Variants in KCNIP4 observed in about 807,000 individuals in gnomAD.
The protein encoded by KCNIP4 is Kv channel-interacting protein 4.
A neutral mutation model predicts 34.0 loss-of-function variants in KCNIP4; 12 were observed. The ratio of observed to expected loss-of-function variants is 0.35; its 90% CI spans 0.23 to 0.57. The LOEUF (loss-of-function observed/expected upper bound fraction) is 0.57, where lower values mean the gene tolerates loss of function less well. Among genes scored for constraint, KCNIP4 ranks in the 20% least tolerant of loss-of-function variants. The pLI is 0.83. For missense variants in KCNIP4, 238 were observed against 311.7 expected (o/e 0.76, Z 1.78); for synonymous variants, 124 against 102.2 (o/e 1.21, Z -1.29).
At chr4:21,366,907 G>T (rs1322094850) in intron 1 of KCNIP4, among the ~76,000 whole-genome samples, 1 of 152,118 alleles carries the variant, frequency 6.6e-6, no homozygotes, top group Non-Finnish European at 1.5e-5. Context: ...CTTATATGTT[G>T]AAGTTTAATC....
intron 1 of KCNIP4, among the ~76,000 whole-genome samples, chr4:21,720,503 T>C (rs988034482): frequency 6.8e-6 from 1 of 146,378 alleles, no homozygotes; most frequent in African/African-American, 2.6e-5. Flanking sequence ...GGAGCTGTTG[T>C]TTTTTTTCCC....
At chr4:21,248,060 A>ATGTGTGTGTG (rs111240655) in intron 1 of KCNIP4, among the ~76,000 whole-genome samples, 5,596 of 145,286 alleles carry the variant, frequency 0.039, 146 homozygotes, top group African/African-American at 0.064. Flanking sequence ...ATATATATAT[A>ATGTGTGTGTG]TGTGTGTGTG....
At chr4:21,075,678 C>G (rs1745425155) in intron 1 of KCNIP4, among the ~76,000 whole-genome samples, 2 of 152,176 alleles carry the variant, frequency 1.3e-5, no homozygotes, top group Admixed American at 1.3e-4. Flanking sequence ...TTGATCCTGT[C>G]ATTATGATGT....
intron 1 of KCNIP4, among the ~76,000 whole-genome samples, chr4:21,932,352 CA>C (rs1448744734): frequency 6.6e-6 from 1 of 152,036 alleles, no homozygotes; most frequent in Non-Finnish European, 1.5e-5. Context: ...GGAACAGGAA[CA>C]ACAGTAACTG....
chr4:21,178,830 T>G (rs556946724), intron 1 of KCNIP4, among the ~76,000 whole-genome samples: 3,093 of 149,992 alleles, frequency 0.021, 43 homozygotes, highest in Middle Eastern at 0.034. Flanking sequence ...TTTTTTTTTT[T>G]TTTTGTTTTG....
At chr4:20,831,990 T>A (rs1017336409) in intron 3 of KCNIP4, among the ~76,000 whole-genome samples, 2 of 152,176 alleles carry the variant, frequency 1.3e-5, no homozygotes, top group African/African-American at 4.8e-5. Flanking sequence ...CCACAAGCTG[T>A]AACAATAAAC....
intron 1 of KCNIP4, among the ~76,000 whole-genome samples, chr4:20,958,336 G>T (rs1262717806): frequency 1.3e-5 from 2 of 152,088 alleles, no homozygotes; most frequent in Admixed American, 6.5e-5. Flanking sequence ...GAGAAAATGG[G>T]GTGCTTTATG....
chr4:20,796,794 T>C (rs754969081), intron 3 of KCNIP4, among the ~76,000 whole-genome samples: 1 of 152,094 alleles, frequency 6.6e-6, no homozygotes. Context: ...TAGTAATAGA[T>C]GGAAAAAAAC....
intron 1 of KCNIP4, among the ~76,000 whole-genome samples, chr4:21,528,736 A>G (rs35432462): frequency 0.011 from 136 of 12,722 alleles, 2 homozygotes; most frequent in Middle Eastern, 0.083. Flanking sequence ...AGAAAGAAAG[A>G]AAGAAAGAAA....
chr4:21,936,075 C>T (rs923261686), intron 1 of KCNIP4, among the ~76,000 whole-genome samples: 3 of 150,904 alleles, frequency 2.0e-5, no homozygotes, highest in Middle Eastern at 3.4e-3. Context: ...TTTTCTTTTA[C>T]GAAGTATATA....
intron 1 of KCNIP4, among the ~76,000 whole-genome samples, chr4:21,399,099 T>C (rs1723249680): frequency 3.9e-5 from 6 of 152,262 alleles, no homozygotes; most frequent in Admixed American, 3.9e-4. Context: ...TCTTTCCTTC[T>C]CACGTTAGCA....
chr4:20,737,296 G>T (rs547072669), intron 5 of KCNIP4, among the ~76,000 whole-genome samples: 3 of 111,606 alleles, frequency 2.7e-5, no homozygotes, highest in Non-Finnish European at 3.9e-5. Flanking sequence ...TGTTCATTTT[G>T]CTCCAAGGTT....
intron 1 of KCNIP4, among the ~76,000 whole-genome samples, chr4:21,792,000 CAAAAAAAAAAAAAAAAAAA>C (rs71193407): frequency 1.7e-5 from 1 of 59,748 alleles, no homozygotes; most frequent in Non-Finnish European, 2.8e-5. Flanking sequence ...GACTCCGTCT[CAAAAAAAAAAAAAAAAAAA>C]AAAAAAAAAA....
chr4:20,890,979 T>C (rs1376245802), intron 1 of KCNIP4, among the ~76,000 whole-genome samples: 1 of 152,192 alleles, frequency 6.6e-6, no homozygotes, highest in Non-Finnish European at 1.5e-5. Flanking sequence ...CATGTCAGTG[T>C]CATGTGTCAG....
At chr4:20,841,024 G>C (rs1719652842) in intron 3 of KCNIP4, among the ~76,000 whole-genome samples, 1 of 152,152 alleles carries the variant, frequency 6.6e-6, no homozygotes, top group African/African-American at 2.4e-5. Context: ...TAACATTTTT[G>C]AGTAGTACTT....
intron 1 of KCNIP4, among the ~76,000 whole-genome samples, chr4:21,131,860 G>A (rs190329511): frequency 9.5e-4 from 145 of 152,328 alleles, no homozygotes; most frequent in Admixed American, 6.7e-3. Flanking sequence ...TATTTATAAA[G>A]TGACTTTGAT....
intron 1 of KCNIP4, among the ~76,000 whole-genome samples, chr4:21,836,082 A>G (rs1405414738): frequency 1.3e-5 from 2 of 152,186 alleles, no homozygotes; most frequent in Non-Finnish European, 2.9e-5. Context: ...ACTGGTTGTG[A>G]GACTGGCAAG....
intron 1 of KCNIP4, among the ~76,000 whole-genome samples, chr4:21,717,718 T>C (rs1714492509): frequency 6.6e-6 from 1 of 152,206 alleles, no homozygotes; most frequent in African/African-American, 2.4e-5. Context: ...CTATGTGACC[T>C]AATTCTTTTC....
chr4:21,063,813 T>A (rs866021415), intron 1 of KCNIP4, among the ~76,000 whole-genome samples: 8 of 152,082 alleles, frequency 5.3e-5, no homozygotes, highest in African/African-American at 1.7e-4. Flanking sequence ...TTTAGAGATT[T>A]GAGGGGAAGT....
Sources: gnomAD v4.1 joint callset for allele counts (sites outside exome capture counted in the v4.1 genomes callset) on GRCh38, gnomAD v4.1.1 for gene constraint, MANE v1.5 for transcripts, NCBI Gene and HGNC (gene_info 2026-07-23, HGNC 2026-07-21) for gene names.